HS3ST5: variants seen among roughly 807,000 people sequenced by gnomAD.
The protein encoded by HS3ST5 is heparan sulfate-glucosamine 3-sulfotransferase 5, also known as heparan sulfate glucosamine 3-O-sulfotransferase 5.
A neutral mutation model predicts 25.4 loss-of-function variants in HS3ST5; 10 were observed. That is an observed-to-expected ratio of 0.39 (90% CI 0.24 to 0.67). The LOEUF is 0.67. Ranked by LOEUF, HS3ST5 falls within the 30% of genes least tolerant of loss-of-function variation. HS3ST5 has a pLI of 0.44. For synonymous variants in HS3ST5, 170 were observed against 162.4 expected (o/e 1.05, Z -0.36); for missense variants, 324 against 420.7 (o/e 0.77, Z 2.01).
In HS3ST5 at chr6:114,211,104, G is replaced by A. The variant is rs115300620; in HGVS notation, c.-145+17481C>T. On this transcript the variant is annotated intron_variant, in intron 2 of 4. Transcript: ENST00000312719. ...TGACCAACCTAGAGTAAGACAGGTT[G>A]TCATGCTGGACACATTCTTATTACA... Among the ~76,000 whole-genome samples, 870 of 152,310 alleles carry A rather than the reference G, an allele frequency of 5.7e-3. 7 individuals carry two copies. Among genetic ancestry groups the A allele is most frequent in the African/African-American group, 0.02 (836 of 41,564 alleles).
At chr6:114,132,160 A>G (rs993801345) in intron 3 of HS3ST5, 4 of 152,224 alleles carry the variant, frequency 2.6e-5, no homozygotes, top group African/African-American at 9.6e-5. Flanking sequence ...TTGTGCAATG[A>G]TCATATCTGT....
chr6:114,160,904 T>C (rs980071432), intron 3 of HS3ST5, among the ~76,000 whole-genome samples: 1 of 152,198 alleles, frequency 6.6e-6, no homozygotes, highest in Non-Finnish European at 1.5e-5. Context: ...TTCATCATAA[T>C]GTGCAAAAGA....
chr6:114,202,552 G>C (rs1781076501), intron 2 of HS3ST5, among the ~76,000 whole-genome samples: 1 of 152,146 alleles, frequency 6.6e-6, no homozygotes, highest in African/African-American at 2.4e-5. Flanking sequence ...GGTGAGACTA[G>C]GGTTTGATGC....
intron 1 of HS3ST5, among the ~76,000 whole-genome samples, chr6:114,246,679 C>A (rs906132892): frequency 2.6e-5 from 4 of 152,114 alleles, no homozygotes; most frequent in African/African-American, 9.7e-5. Flanking sequence ...ATAGGAAATC[C>A]GTCTTCTACT....
intron 3 of HS3ST5, chr6:114,089,157 T>A (rs1339585376): frequency 6.6e-6 from 1 of 152,266 alleles, no homozygotes; most frequent in East Asian, 1.9e-4. Flanking sequence ...AATAGTAGTA[T>A]TTTCATTCTA....
intron 1 of HS3ST5, among the ~76,000 whole-genome samples, chr6:114,323,337 A>T (rs962649577): frequency 6.6e-6 from 1 of 152,104 alleles, no homozygotes; most frequent in Non-Finnish European, 1.5e-5. Flanking sequence ...ATTAAGGAGG[A>T]CTCATTTTGG....
chr6:114,313,025 GAAAAAAAA>G (rs5879258), intron 1 of HS3ST5, among the ~76,000 whole-genome samples: 155 of 16,118 alleles, frequency 9.6e-3, no homozygotes, highest in African/African-American at 0.034. Flanking sequence ...CCCTGCATCA[GAAAAAAAA>G]AAAAAAAAAA....
intron 3 of HS3ST5, among the ~76,000 whole-genome samples, chr6:114,128,715 G>C (rs539543477): frequency 5.3e-5 from 8 of 152,294 alleles, no homozygotes; most frequent in African/African-American, 1.9e-4. Flanking sequence ...AACCAGCTTA[G>C]GAGCATGCCA....
intron 3 of HS3ST5, among the ~76,000 whole-genome samples, chr6:114,146,131 A>G (rs948884901): frequency 3.3e-5 from 5 of 152,194 alleles, no homozygotes; most frequent in African/African-American, 7.2e-5. Context: ...TTGCTTCTAG[A>G]TATGTCTCTT....
intron 2 of HS3ST5, among the ~76,000 whole-genome samples, chr6:114,209,026 C>T (rs1781398114): frequency 6.6e-6 from 1 of 152,132 alleles, no homozygotes. Flanking sequence ...GGGATCATAA[C>T]AATTGCTGGC....
chr6:114,069,345 C>CTT (rs759908690), intron 3 of HS3ST5, among the ~76,000 whole-genome samples: 1 of 145,084 alleles, frequency 6.9e-6, no homozygotes. Flanking sequence ...GTAATATTAT[C>CTT]TTTTTTTTTT....
At chr6:114,330,253 T>G in intron 1 of HS3ST5, among the ~76,000 whole-genome samples, 1 of 152,172 alleles carries the variant, frequency 6.6e-6, no homozygotes, top group Admixed American at 6.5e-5. Flanking sequence ...GGATAATGGT[T>G]GGAATTCTGA....
At chr6:114,155,305 A>C (rs1778648769) in intron 3 of HS3ST5, among the ~76,000 whole-genome samples, 3 of 152,240 alleles carry the variant, frequency 2.0e-5, no homozygotes, top group African/African-American at 7.2e-5. Flanking sequence ...ATAGGACACG[A>C]ATAAATATAA....
At chr6:114,188,375 C>T (rs1336130194) in intron 2 of HS3ST5, among the ~76,000 whole-genome samples, 1 of 152,190 alleles carries the variant, frequency 6.6e-6, no homozygotes, top group African/African-American at 2.4e-5. Context: ...GTTTATATAA[C>T]TGTATCATAT....
chr6:114,143,394 T>C (rs918761580), intron 3 of HS3ST5, among the ~76,000 whole-genome samples: 1 of 152,222 alleles, frequency 6.6e-6, no homozygotes, highest in Non-Finnish European at 1.5e-5. Flanking sequence ...TATATAACCA[T>C]TGTCTAATTC....
intron 3 of HS3ST5, among the ~76,000 whole-genome samples, chr6:114,152,113 G>A (rs574177463): frequency 4.0e-4 from 60 of 151,832 alleles, no homozygotes; most frequent in African/African-American, 1.4e-3. Flanking sequence ...TAGTAGAGAC[G>A]GGGTTTCATC....
At chr6:114,300,920 T>C (rs1775046248) in intron 1 of HS3ST5, among the ~76,000 whole-genome samples, 1 of 152,194 alleles carries the variant, frequency 6.6e-6, no homozygotes, top group Non-Finnish European at 1.5e-5. Flanking sequence ...ATTGTATGCT[T>C]AGATTTGTAT....
Position 114,104,605 on chromosome 6 carries a change from G to A in HS3ST5, c.-32-41728C>T, listed in dbSNP as rs543464804. 5.0e-4 allele frequency among the ~76,000 whole-genome samples: 76 copies of A among 152,200 alleles called. 2 individuals are homozygous for A. In the South Asian group the frequency reaches 0.013, roughly 26 times the overall value. ...ACTCGGTTGTGTTCAGCAACATGTC[G>A]GGCATGAAATATGCAGGTGCAAGCC... On this transcript the variant is annotated intron_variant, in intron 3 of 4. Coordinates refer to ENST00000312719, the MANE Select transcript of HS3ST5 (RefSeq NM_153612.4).
intron 1 of HS3ST5, among the ~76,000 whole-genome samples, chr6:114,235,301 T>C (rs1473738571): frequency 5.3e-5 from 8 of 152,094 alleles, no homozygotes; most frequent in Non-Finnish European, 1.2e-4. Flanking sequence ...ATAGCTCCTA[T>C]TAATACAAAG....
Sources: gnomAD v4.1 joint callset for allele counts (sites outside exome capture counted in the v4.1 genomes callset) on GRCh38, gnomAD v4.1.1 for gene constraint, MANE v1.5 for transcripts, NCBI Gene and HGNC (gene_info 2026-07-23, HGNC 2026-07-21) for gene names.